Variants in ASTN2 observed in about 807,000 individuals in gnomAD.
ASTN2 encodes astrotactin 2.
In ASTN2, 54 loss-of-function variants were observed where a neutral mutation model predicts 139.8. The observed-to-expected ratio is 0.39, with a 90% confidence interval of 0.31 to 0.48. The LOEUF is 0.48. ASTN2 is among the 20% of genes least tolerant of loss of function. ASTN2 has a pLI of 0.95. For synonymous variants in ASTN2, 756 were observed against 719.5 expected (o/e 1.05, Z -0.81); for missense variants, 1,565 against 1,725.1 (o/e 0.91, Z 1.64).
In ASTN2 at chr9:116,775,828, G is replaced by A. The variant is rs573559974; in HGVS notation, c.2396+29804C>T. Among the ~76,000 whole-genome samples, 28 of 145,164 alleles carry A rather than the reference G, an allele frequency of 1.9e-4. 1 individual carries two copies. In the South Asian group the frequency reaches 6.3e-3, roughly 33 times the overall value. On this transcript the variant is annotated intron_variant, in intron 13 of 22. Coordinates refer to ENST00000313400, the MANE Select transcript of ASTN2 (RefSeq NM_001365068.1). ...GGAAGGAAGAAAGGAAGGAAGAAAG[G>A]AAGGAAGGCAGGCAGGCAGGCAGGC...
At chr9:117,329,180 CTTTTTTTTTTTTTT>C (rs749880987) in intron 1 of ASTN2, among the ~76,000 whole-genome samples, 1 of 82,582 alleles carries the variant, frequency 1.2e-5, no homozygotes, top group Non-Finnish European at 2.3e-5. Context: ...CTTCCAAGTT[CTTTTTTTTTTTTTT>C]TTTTTTTTTT....
chr9:117,076,760 G>A (rs1371407957), intron 5 of ASTN2, among the ~76,000 whole-genome samples: 1 of 152,174 alleles, frequency 6.6e-6, no homozygotes, highest in Non-Finnish European at 1.5e-5. Context: ...CCTGCCTCAT[G>A]TGGTCCAGCC....
intron 2 of ASTN2, among the ~76,000 whole-genome samples, chr9:117,275,362 A>G (rs1834160734): frequency 1.3e-5 from 2 of 152,112 alleles, no homozygotes; most frequent in Non-Finnish European, 2.9e-5. Context: ...CCATCACAGC[A>G]TACTAAAAAC....
intron 3 of ASTN2, among the ~76,000 whole-genome samples, chr9:117,198,089 T>C (rs1489992660): frequency 6.6e-6 from 1 of 152,110 alleles, no homozygotes; most frequent in East Asian, 1.9e-4. Context: ...GGGGGGTACA[T>C]ACACAGAATG....
chr9:117,347,172 C>T (rs1196328389), intron 1 of ASTN2, among the ~76,000 whole-genome samples: 2 of 152,022 alleles, frequency 1.3e-5, no homozygotes, highest in African/African-American at 4.8e-5. Context: ...AAGGCACATG[C>T]AGTGTTTCTC....
At chr9:116,976,231 A>C (rs768559478) in intron 8 of ASTN2, 43 bp from the exon 9 acceptor site, 4 of 1,564,432 alleles carry the variant, frequency 2.6e-6, no homozygotes, top group Non-Finnish European at 3.5e-6. Context: ...CATTAGTCAG[A>C]GGCAGGTAGA....
At chr9:117,245,709 A>G (rs193234373) in intron 2 of ASTN2, among the ~76,000 whole-genome samples, 1 of 152,260 alleles carries the variant, frequency 6.6e-6, no homozygotes, top group East Asian at 1.9e-4. Flanking sequence ...ACTACTCACC[A>G]TAATCCCGAA....
chr9:117,065,225 C>G (rs1282398372), intron 5 of ASTN2, among the ~76,000 whole-genome samples: 1 of 152,074 alleles, frequency 6.6e-6, no homozygotes, highest in African/African-American at 2.4e-5. Context: ...CACTGGAATA[C>G]CTTGATTTTG....
At chr9:116,541,508 T>A (rs1851876920) in intron 19 of ASTN2, among the ~76,000 whole-genome samples, 2 of 152,176 alleles carry the variant, frequency 1.3e-5, no homozygotes, top group South Asian at 2.1e-4. Context: ...CATAGTTAAT[T>A]GGACTGAGAG....
intron 16 of ASTN2, chr9:116,687,183 CCCCTGCAGGGCCGCCTTG>C: frequency 9.5e-7 from 1 of 1,053,120 alleles, no homozygotes; most frequent in Non-Finnish European, 1.2e-6. Context: ...GGAAAGCTCA[CCCCTGCAGGGCCGCCTTG>C]CCCCGCGCGC....
intron 2 of ASTN2, among the ~76,000 whole-genome samples, chr9:117,239,668 C>G (rs910629729): frequency 7.2e-5 from 11 of 152,196 alleles, no homozygotes; most frequent in African/African-American, 2.7e-4. Flanking sequence ...ATTTCCATTT[C>G]TTTGAAGGCA....
intron 2 of ASTN2, among the ~76,000 whole-genome samples, chr9:117,242,537 T>C (rs1408591627): frequency 6.6e-6 from 1 of 152,192 alleles, no homozygotes; most frequent in African/African-American, 2.4e-5. Context: ...AGTATAACTA[T>C]CACACCCTCT....
intron 2 of ASTN2, among the ~76,000 whole-genome samples, chr9:117,238,917 T>C (rs1478995823): frequency 2.0e-5 from 3 of 152,234 alleles, no homozygotes; most frequent in Non-Finnish European, 4.4e-5. Context: ...AATAATGCTC[T>C]GTTTACATGC....
At chr9:116,508,336 A>C (rs1056162624) in intron 19 of ASTN2, among the ~76,000 whole-genome samples, 2 of 152,230 alleles carry the variant, frequency 1.3e-5, no homozygotes, top group African/African-American at 4.8e-5. Flanking sequence ...AGTGGCGTCA[A>C]GGTCAACATT....
At position 116,698,080 on chromosome 9, in the gene ASTN2, G is replaced by A. The variant is rs766267880; in HGVS notation, c.2806+27691C>T. 1.7e-5 allele frequency: 27 copies of A among 1,613,978 alleles called. No homozygotes were observed. The highest frequency in any genetic ancestry group is 8.8e-5 in the South Asian group (8 of 91,088). On this transcript the variant is annotated intron_variant, in intron 16 of 22. Coordinates refer to ENST00000313400, the MANE Select transcript of ASTN2 (RefSeq NM_001365068.1). This position sits in a 1 kb window ranked among gnomAD's most constrained non-coding sequence, Gnocchi z 4.4. ...CGGCGTCTGCCCCGGCAATTCTGCCGGAGCTGTGGTTTGGTGTTATGTGAG... is the reference window on the plus strand; with the variant it reads ...CGGCGTCTGCCCCGGCAATTCTGCCAGAGCTGTGGTTTGGTGTTATGTGAG...
chr9:116,509,048 G>A (rs1211354388), intron 19 of ASTN2, among the ~76,000 whole-genome samples: 2 of 151,992 alleles, frequency 1.3e-5, no homozygotes, highest in African/African-American at 2.4e-5. Context: ...TAGGGTACAT[G>A]CGTACAACGT....
At chr9:117,059,772 A>T (rs1014713071) in intron 5 of ASTN2, among the ~76,000 whole-genome samples, 1 of 152,196 alleles carries the variant, frequency 6.6e-6, no homozygotes. Flanking sequence ...AGTCATTATC[A>T]TTCAATTGTT....
At chr9:117,061,979 C>T (rs1839307293) in intron 5 of ASTN2, among the ~76,000 whole-genome samples, 1 of 152,166 alleles carries the variant, frequency 6.6e-6, no homozygotes, top group Non-Finnish European at 1.5e-5. Flanking sequence ...TTCTACAGAT[C>T]AAGATAAGGT....
At chr9:116,916,364 C>T (rs953417528) in intron 10 of ASTN2, among the ~76,000 whole-genome samples, 1 of 152,168 alleles carries the variant, frequency 6.6e-6, no homozygotes, top group African/African-American at 2.4e-5. Flanking sequence ...AATGTCTCAT[C>T]ACAGCCATGA....
Sources: allele counts gnomAD v4.1 joint callset (sites outside exome capture counted in the v4.1 genomes callset), GRCh38; gene constraint gnomAD v4.1.1; non-coding constraint Gnocchi (gnomAD v3.1); transcripts MANE v1.5; gene names NCBI Gene and HGNC (gene_info 2026-07-23, HGNC 2026-07-21).